The following RNF144A variants were observed in gnomAD, a reference collection of about 807,000 sequenced individuals.
The protein encoded by RNF144A is E3 ubiquitin-protein ligase RNF144A.
Under a neutral mutation model 38.7 loss-of-function variants are expected in RNF144A, and 11 were observed. The observed-to-expected ratio is 0.28, with a 90% CI of 0.18 to 0.47. RNF144A has a LOEUF of 0.47. RNF144A is among the 20% of genes least tolerant of loss of function. The pLI is 0.99. For missense variants in RNF144A, 316 were observed against 377.2 expected (o/e 0.84, Z 1.34); for synonymous variants, 149 against 143.9 (o/e 1.04, Z -0.25).
intron 2 of RNF144A, among the ~76,000 whole-genome samples, chr2:6,970,659 G>A (rs1667951179): frequency 6.6e-6 from 1 of 152,204 alleles, no homozygotes; most frequent in African/African-American, 2.4e-5. Context: ...GGCCTGGAGA[G>A]GGAGGAACTT....
intron 2 of RNF144A, among the ~76,000 whole-genome samples, chr2:6,978,259 G>T (rs1668429353): frequency 6.6e-6 from 1 of 152,148 alleles, no homozygotes; most frequent in Non-Finnish European, 1.5e-5. Context: ...GATATGGTGG[G>T]TTCTATTGTT....
At chr2:7,035,178 C>G (rs925501583) in intron 8 of RNF144A, among the ~76,000 whole-genome samples, 2 of 152,140 alleles carry the variant, frequency 1.3e-5, no homozygotes, top group African/African-American at 4.8e-5. Flanking sequence ...CTGTTTTGTT[C>G]CTTCTCCCTG....
chr2:7,013,622 G>T (rs1327451394), intron 3 of RNF144A, among the ~76,000 whole-genome samples: 1 of 152,092 alleles, frequency 6.6e-6, no homozygotes, highest in Non-Finnish European at 1.5e-5. Flanking sequence ...GTTTCTCTTG[G>T]TAGTGAGCCT....
At chr2:7,052,412 C>T (rs1416805637) in intron 6 of RNF144A, among the ~76,000 whole-genome samples, 1 of 152,174 alleles carries the variant, frequency 6.6e-6, no homozygotes, top group Admixed American at 6.5e-5. Flanking sequence ...GTTAAGTTCA[C>T]CTGCTCACAA....
chr2:6,951,662 C>A (rs967943591), intron 2 of RNF144A, among the ~76,000 whole-genome samples: 2 of 152,162 alleles, frequency 1.3e-5, no homozygotes, highest in Non-Finnish European at 2.9e-5. Context: ...TCTAGATACA[C>A]CTTACTTATC....
downstream of RNF144A, among the ~76,000 whole-genome samples, chr2:7,069,413 A>C (rs919564199): frequency 1.3e-5 from 2 of 152,242 alleles, no homozygotes; most frequent in Non-Finnish European, 2.9e-5. Flanking sequence ...TATTTTTCTC[A>C]TAACATCATT....
intron 3 of RNF144A, among the ~76,000 whole-genome samples, chr2:7,005,976 A>G (rs531162511): frequency 6.8e-6 from 1 of 146,870 alleles, no homozygotes; most frequent in East Asian, 2.0e-4. Context: ...AGAGAATTGC[A>G]CATACCCTAA....
downstream of RNF144A, among the ~76,000 whole-genome samples, chr2:7,068,908 C>T (rs764035932): frequency 6.6e-5 from 10 of 152,324 alleles, no homozygotes; most frequent in Admixed American, 2.6e-4. Flanking sequence ...GGCTGCCTGG[C>T]ACCTCCTGGG....
intron 5 of RNF144A, among the ~76,000 whole-genome samples, chr2:7,015,591 CTTTAGCTCTGCTCTCTGAA>C (rs1671084258): frequency 6.6e-6 from 1 of 152,186 alleles, no homozygotes; most frequent in African/African-American, 2.4e-5. Context: ...CAGGAGAGGT[CTTTAGCTCTGCTCTCTGAA>C]ATACTCCGGG....
intron 1 of RNF144A, among the ~76,000 whole-genome samples, chr2:6,921,068 G>A (rs1664509836): frequency 1.3e-5 from 2 of 152,170 alleles, no homozygotes; most frequent in Admixed American, 1.3e-4. Context: ...CATTCGTAAG[G>A]GTTTGTTTGT....
chr2:7,044,786 G>A (rs1673234927), downstream of RNF144A, among the ~76,000 whole-genome samples: 1 of 152,194 alleles, frequency 6.6e-6, no homozygotes, highest in African/African-American at 2.4e-5. Flanking sequence ...ATAGGCAACT[G>A]GTTCCTTGTC....
intron 1 of RNF144A, among the ~76,000 whole-genome samples, chr2:6,925,070 G>A (rs1284669656): frequency 1.3e-5 from 2 of 152,216 alleles, no homozygotes; most frequent in African/African-American, 2.4e-5. Context: ...CGTATGCACT[G>A]GAGCTTTGTA....
At chr2:7,052,738 TG>T (rs1039523057) in intron 6 of RNF144A, among the ~76,000 whole-genome samples, 1 of 151,596 alleles carries the variant, frequency 6.6e-6, no homozygotes, top group Non-Finnish European at 1.5e-5. Flanking sequence ...TAACATGGGG[TG>T]GGGGGGAATC....
At chr2:7,020,736 G>A (rs942549902) in intron 6 of RNF144A, 56 bp downstream of exon 6, 112 of 1,526,662 alleles carry the variant, frequency 7.3e-5, no homozygotes, top group Non-Finnish European at 9.8e-5. Flanking sequence ...AGGAGAAGCA[G>A]GCATGCTTTC....
intron 1 of RNF144A, among the ~76,000 whole-genome samples, chr2:6,924,990 G>A (rs1324312596): frequency 6.6e-6 from 1 of 152,176 alleles, no homozygotes; most frequent in African/African-American, 2.4e-5. Flanking sequence ...GATGGAGAAT[G>A]TCAGGAAGCA....
At chr2:7,068,715 G>A (rs1470356568), downstream of RNF144A, among the ~76,000 whole-genome samples, 1 of 152,190 alleles carries the variant, frequency 6.6e-6, no homozygotes, top group African/African-American at 2.4e-5. Context: ...AATGAGAGAT[G>A]GCAGATAGAG....
At chr2:6,919,215 C>T (rs1256081427) in intron 1 of RNF144A, among the ~76,000 whole-genome samples, 1 of 152,094 alleles carries the variant, frequency 6.6e-6, no homozygotes, top group African/African-American at 2.4e-5. Flanking sequence ...GCAGGAAGGG[C>T]CTCTGTCCAG....
rs1672943226 is a variant in RNF144A, at chr2:7,039,885, T to C, written c.*125T>C. On this transcript the variant is annotated 3_prime_UTR_variant, in exon 9 of 9. Coordinates refer to ENST00000320892, the MANE Select transcript of RNF144A (RefSeq NM_014746.6). The stretch of plus-strand genomic sequence containing the variant: ...ATGTGCCCCATTGAGCTTCACAGTG[T>C]CAGGCTGGACGCCGTGATTTCAGGG... 1 of 1,468,740 alleles carries C rather than the reference T, an allele frequency of 6.8e-7. No individual in the cohort carries two copies. The highest frequency in any genetic ancestry group is 1.4e-5 in the African/African-American group (1 of 70,726). 91.0% of individuals were successfully genotyped at this position (1,468,740 alleles called of 1,614,324 possible). A position where few individuals can be genotyped will look rare whatever the true frequency, so the allele number is the denominator to read the frequency against.
At chr2:7,010,721 A>T (rs967285830) in intron 3 of RNF144A, among the ~76,000 whole-genome samples, 3 of 152,036 alleles carry the variant, frequency 2.0e-5, no homozygotes, top group Admixed American at 6.5e-5. Context: ...TGTGTGGCTG[A>T]TGCCTTTTTT....
Sources: gnomAD v4.1 joint callset for allele counts (sites outside exome capture counted in the v4.1 genomes callset) on GRCh38, gnomAD v4.1.1 for gene constraint, MANE v1.5 for transcripts, NCBI Gene and HGNC (gene_info 2026-07-23, HGNC 2026-07-21) for gene names.